ADAMTS16: variants seen among roughly 807,000 people sequenced by gnomAD.
ADAMTS16 encodes the protein A disintegrin and metalloproteinase with thrombospondin motifs 16.
In ADAMTS16, 94 loss-of-function variants were observed where a neutral mutation model predicts 145.8. The observed-to-expected ratio is 0.64, with a 90% CI of 0.55 to 0.77. The LOEUF is 0.77. Among genes scored for constraint, ADAMTS16 ranks in the 30% least tolerant of loss-of-function variants. The pLI is 0.00. For missense variants in ADAMTS16, 1,585 were observed against 1,591.5 expected (o/e 1.00, Z 0.07); for synonymous variants, 659 against 604.3 (o/e 1.09, Z -1.33).
intron 10 of ADAMTS16, among the ~76,000 whole-genome samples, chr5:5,210,732 A>T (rs1254563308): frequency 6.6e-6 from 1 of 152,226 alleles, no homozygotes; most frequent in African/African-American, 2.4e-5. Flanking sequence ...TATCAAACTG[A>T]GGAGGAAGTT....
At chr5:5,263,156 T>A (rs181042074) in intron 18 of ADAMTS16, among the ~76,000 whole-genome samples, 27 of 152,292 alleles carry the variant, frequency 1.8e-4, no homozygotes, top group Middle Eastern at 3.4e-3. Context: ...GAAGAACCCA[T>A]CACAAGGCCT....
intron 9 of ADAMTS16, among the ~76,000 whole-genome samples, chr5:5,208,374 A>G (rs1736185880): frequency 6.6e-6 from 1 of 152,240 alleles, no homozygotes; most frequent in Non-Finnish European, 1.5e-5. Flanking sequence ...TTTAGTTGCT[A>G]TTTGAAAACA....
chr5:5,247,581 C>T (rs1052842619), intron 17 of ADAMTS16, among the ~76,000 whole-genome samples: 1 of 151,564 alleles, frequency 6.6e-6, no homozygotes. Context: ...TTCCAGCAAG[C>T]CTCCACTCAT....
intron 21 of ADAMTS16, 43 bp from the exon 22 acceptor site, chr5:5,318,091 G>A (rs1734127139): frequency 1.5e-6 from 2 of 1,324,234 alleles, no homozygotes; most frequent in Non-Finnish European, 9.7e-7. Context: ...CCAGGTGCCT[G>A]AGAGCCTGGG....
At chr5:5,198,537 C>T (rs1352133235) in intron 8 of ADAMTS16, among the ~76,000 whole-genome samples, 5 of 152,190 alleles carry the variant, frequency 3.3e-5, no homozygotes, top group African/African-American at 7.2e-5. Flanking sequence ...AGCCTTGACT[C>T]GGTAACCCTG....
intron 11 of ADAMTS16, among the ~76,000 whole-genome samples, chr5:5,225,905 G>A (rs973192622): frequency 1.3e-5 from 2 of 152,136 alleles, no homozygotes; most frequent in South Asian, 2.1e-4. Flanking sequence ...AATTCACATG[G>A]TCATGGTGAA....
Position 5,186,254 on chromosome 5 carries a change from A to G in ADAMTS16, c.963+3A>G. 6.2e-7 allele frequency: 1 copy of G among 1,612,888 alleles called. No homozygotes were observed. Among genetic ancestry groups the G allele is most frequent in the Non-Finnish European group, 8.5e-7 (1 of 1,179,920 alleles). On this transcript the variant is annotated splice_donor_region_variant and intron_variant, in intron 5 of 22. Coordinates refer to ENST00000274181, the MANE Select transcript of ADAMTS16 (RefSeq NM_139056.4). ...ACGTGCTCACGATACTCAACATGGT[A>G]GGATCATCCTTCCAGTTGAGGCCAC...
At chr5:5,295,734 G>C (rs1209508838) in intron 18 of ADAMTS16, among the ~76,000 whole-genome samples, 2 of 152,216 alleles carry the variant, frequency 1.3e-5, no homozygotes, top group African/African-American at 4.8e-5. Flanking sequence ...GAGCAGACAG[G>C]TAGAGAGCCA....
intron 8 of ADAMTS16, among the ~76,000 whole-genome samples, chr5:5,196,237 C>CGAAAAA (rs1735800067): frequency 1.1e-5 from 1 of 95,088 alleles, no homozygotes; most frequent in African/African-American, 4.3e-5. Context: ...GCCTCCATCT[C>CGAAAAA]AAAAAAAAAA....
chr5:5,256,756 A>G (rs1267700759), intron 17 of ADAMTS16, among the ~76,000 whole-genome samples: 7 of 152,256 alleles, frequency 4.6e-5, no homozygotes, highest in African/African-American at 1.4e-4. Flanking sequence ...AGACTTGAAC[A>G]GAAGGTTTGA....
At chr5:5,278,311 A>AT (rs974949421) in intron 18 of ADAMTS16, among the ~76,000 whole-genome samples, 2 of 152,188 alleles carry the variant, frequency 1.3e-5, no homozygotes, top group African/African-American at 4.8e-5. Flanking sequence ...CTATTTATTG[A>AT]TTTTAAAGAT....
At chr5:5,316,529 GATTT>G (rs1221069563) in intron 21 of ADAMTS16, among the ~76,000 whole-genome samples, 3 of 152,114 alleles carry the variant, frequency 2.0e-5, no homozygotes, top group Admixed American at 1.3e-4. Context: ...CCTAACCACT[GATTT>G]ATTTTCAGTG....
At chr5:5,262,320 T>C (rs1166236447) in intron 17 of ADAMTS16, among the ~76,000 whole-genome samples, 9 of 152,226 alleles carry the variant, frequency 5.9e-5, no homozygotes, top group Non-Finnish European at 1.0e-4. Flanking sequence ...GAAAATCCAC[T>C]GGTGTTTTCA....
intron 3 of ADAMTS16, among the ~76,000 whole-genome samples, chr5:5,171,812 T>TC (rs904364978): frequency 6.6e-6 from 1 of 152,114 alleles, no homozygotes; most frequent in Non-Finnish European, 1.5e-5. Context: ...TATTACCTCC[T>TC]CCTCTGTTTT....
intron 16 of ADAMTS16, 55 bp from the exon 17 acceptor site, chr5:5,241,998 T>G: frequency 6.3e-7 from 1 of 1,599,222 alleles, no homozygotes; most frequent in Non-Finnish European, 8.6e-7. Context: ...CGTTAGCATG[T>G]ACTTGCTGGT....
intron 18 of ADAMTS16, among the ~76,000 whole-genome samples, chr5:5,266,107 T>A (rs1433871799): frequency 6.6e-6 from 1 of 151,490 alleles, no homozygotes; most frequent in Non-Finnish European, 1.5e-5. Flanking sequence ...CTCAGGGTAA[T>A]TGGAAATGTT....
intron 18 of ADAMTS16, among the ~76,000 whole-genome samples, chr5:5,302,540 AAC>A (rs1313912362): frequency 6.6e-6 from 1 of 152,218 alleles, no homozygotes; most frequent in African/African-American, 2.4e-5. Flanking sequence ...TAACCAGCAA[AAC>A]ACACTGTGGA....
chr5:5,189,940 A>G (rs376552038), intron 6 of ADAMTS16, 31 bp from the exon 7 acceptor site: 11 of 1,607,662 alleles, frequency 6.8e-6, no homozygotes, highest in Non-Finnish European at 9.3e-6. Flanking sequence ...CTTCATTATC[A>G]TGGGGTCCTC....
intron 2 of ADAMTS16, among the ~76,000 whole-genome samples, chr5:5,142,656 G>A (rs1318035658): frequency 2.0e-5 from 3 of 152,106 alleles, no homozygotes; most frequent in East Asian, 1.9e-4. Flanking sequence ...AGTTGGTTCT[G>A]AAATAACTAA....
Sources: gnomAD v4.1 joint callset for allele counts (sites outside exome capture counted in the v4.1 genomes callset) on GRCh38, gnomAD v4.1.1 for gene constraint, MANE v1.5 for transcripts, NCBI Gene and HGNC (gene_info 2026-07-23, HGNC 2026-07-21) for gene names.